ACTL8: variants seen among roughly 807,000 people sequenced by gnomAD.
The protein encoded by ACTL8 is actin-like protein 8.
ACTL8 carries 3 observed loss-of-function variants against 9.3 expected under a neutral mutation model. The ratio of observed to expected loss-of-function variants is 0.32; its 90% confidence interval spans 0.15 to 0.83. The LOEUF (loss-of-function observed/expected upper bound fraction) is 0.83. Among genes scored for constraint, ACTL8 ranks in the 40% least tolerant of loss-of-function variants. The pLI is 0.57. For missense variants in ACTL8, 381 were observed against 492.2 expected (o/e 0.77, Z 2.14); for synonymous variants, 224 against 205.9 (o/e 1.09, Z -0.75).
At position 17,826,830 on chromosome 1, in the gene ACTL8, G is replaced by A. The variant is rs1017595424; in HGVS notation, c.*311G>A. 83 of 221,586 alleles carry A rather than the reference G, an allele frequency of 3.7e-4. 1 individual carries two copies. The highest frequency in any genetic ancestry group is 1.1e-4 in the Admixed American group (2 of 18,606). 13.7% of individuals were successfully genotyped at this position (221,586 alleles called of 1,614,324 possible). ...CCTGAGAGCCACTGATTTTTCATTG[G>A]CATTTCCCCTGGTTTGTCTCATTCT... On this transcript the variant is annotated 3_prime_UTR_variant, in exon 3 of 3. Coordinates refer to ENST00000375406, the MANE Select transcript of ACTL8 (RefSeq NM_030812.3). This position sits in a 1 kb window ranked among gnomAD's most constrained non-coding sequence, Gnocchi z 4.5.
In ACTL8 at chr1:17,826,376, G is replaced by A. The variant is rs111936857; in HGVS notation, c.958G>A (p.Val320Ile). ...RLFRELMGDH[V>I]SSTKATVWEG... ...GTTCAGGGAGCTGATGGGGGATCAC[G>A]TCTCCTCCACCAAGGCCACAGTCTG... The change falls in exon 3 of 3, where the codon GTC (valine) becomes ATC (isoleucine). Residue 320 changes from valine (V) to isoleucine (I), a missense_variant. By Grantham distance (29) the Val-to-Ile change is conservative. Around this residue, in one of 3 missense-constraint regions of ACTL8, gnomAD observed 243 missense variants for 276.2 expected, o/e 0.88. Coordinates refer to ENST00000375406, the MANE Select transcript of ACTL8 (RefSeq NM_030812.3). This position sits in a 1 kb window ranked among gnomAD's most constrained non-coding sequence, Gnocchi z 4.5. 7.2e-5 allele frequency: 117 copies of A among 1,614,128 alleles called. No homozygotes were observed. In the African/African-American group the frequency reaches 1.2e-3, roughly 17 times the overall value.
intron 1 of ACTL8, among the ~76,000 whole-genome samples, chr1:17,808,685 G>T (rs139247015): frequency 6.6e-4 from 101 of 152,328 alleles, no homozygotes; most frequent in Non-Finnish European, 1.1e-3. Context: ...AAGGATTCTG[G>T]ATTCATAGTG....
intron 1 of ACTL8, among the ~76,000 whole-genome samples, chr1:17,760,622 T>G (rs533935960): frequency 1.3e-5 from 2 of 152,172 alleles, no homozygotes; most frequent in Non-Finnish European, 2.9e-5. Context: ...AGGGTCTTGG[T>G]GCCCTGCTTA....
chr1:17,824,951 C>T (rs992064139), intron 2 of ACTL8, among the ~76,000 whole-genome samples: 2 of 151,918 alleles, frequency 1.3e-5, no homozygotes, highest in African/African-American at 4.8e-5. Context: ...TGAGGGGAGA[C>T]GATGGGCTTG....
intron 1 of ACTL8, among the ~76,000 whole-genome samples, chr1:17,780,132 T>C (rs1245390383): frequency 2.0e-5 from 3 of 151,938 alleles, no homozygotes; most frequent in Admixed American, 2.0e-4. Flanking sequence ...GCTTTGAGCC[T>C]AGGAGGTCGA....
At chr1:17,811,669 T>A (rs2066393449) in intron 1 of ACTL8, among the ~76,000 whole-genome samples, 1 of 152,210 alleles carries the variant, frequency 6.6e-6, no homozygotes, top group African/African-American at 2.4e-5. Context: ...AGGTTATTAT[T>A]TTTACACGGA....
At chr1:17,820,006 C>T (rs1371049291) in intron 1 of ACTL8, among the ~76,000 whole-genome samples, 1 of 138,810 alleles carries the variant, frequency 7.2e-6, no homozygotes, top group Non-Finnish European at 1.6e-5. Flanking sequence ...GATCCTGTCT[C>T]AAAAAAAAAA....
In ACTL8 at chr1:17,825,777, A is replaced by G; in HGVS notation, c.359A>G (p.Glu120Gly). The G allele has an allele frequency of 1.2e-6, 2 of 1,612,018 alleles. No homozygotes were observed. The highest frequency in any genetic ancestry group is 1.7e-6 in the Non-Finnish European group (2 of 1,178,942). The change falls in exon 3 of 3, where the codon GAG becomes GGG. Residue 120 changes from glutamate (E) to glycine (G), a missense_variant. Coordinates refer to ENST00000375406, the MANE Select transcript of ACTL8 (RefSeq NM_030812.3). ...TCTCCCTCGTTGCAGATCCTGTTTG[A>G]GTTGCTGCATGTCCCATCGGTCCTC... ...DRKKMLEILFELLHVPSVLLA... is the reference protein window; with the variant it reads ...DRKKMLEILFGLLHVPSVLLA...
At chr1:17,799,282 C>G (rs1210653242) in intron 1 of ACTL8, among the ~76,000 whole-genome samples, 1 of 152,202 alleles carries the variant, frequency 6.6e-6, no homozygotes, top group African/African-American at 2.4e-5. Context: ...TGTGCCAGCA[C>G]CTGTTGGCGA....
intron 1 of ACTL8, among the ~76,000 whole-genome samples, chr1:17,822,257 CT>C (rs11302881): frequency 0.04 from 1,901 of 47,136 alleles, 40 homozygotes; most frequent in African/African-American, 0.096. Context: ...ATCTTACCCC[CT>C]GTGCCTCAGT....
chr1:17,779,107 C>G (rs1181050967), intron 1 of ACTL8, among the ~76,000 whole-genome samples: 3 of 152,124 alleles, frequency 2.0e-5, no homozygotes, highest in Admixed American at 6.6e-5. Context: ...CTATACATAC[C>G]CGAGATTCCA....
Position 17,826,104 on chromosome 1 carries a change from A to G in ACTL8, c.686A>G (p.Gln229Arg), listed in dbSNP as rs1206178167. 4.3e-6 allele frequency: 7 copies of G among 1,609,822 alleles called. No individual in the cohort carries two copies. The highest frequency in any genetic ancestry group is 4.5e-5 in the East Asian group (2 of 44,852). The change falls in exon 3 of 3, where the codon CAG becomes CGG. Residue 229 changes from glutamine (Q) to arginine (R), a missense_variant. Gln to Arg is a conservative substitution (Grantham distance 43). This residue lies in a region of ACTL8 where 243 missense variants were observed against 276.2 expected (regional missense o/e 0.88). Transcript: ENST00000375406. The surrounding 1 kb of genome is among the most constrained non-coding windows in gnomAD (Gnocchi z 4.5). ...GEALDFRERQ[Q>R]SALDESNTYQ... ...GCCCTGGACTTTCGTGAGAGGCAGC[A>G]GAGTGCCTTGGATGAGAGCAACACC...
rs561966791 is a variant in ACTL8 at position 17,763,030 on chromosome 1, G to T, written c.-25+7526G>T. 5.3e-5 allele frequency among the ~76,000 whole-genome samples: 8 copies of T among 152,238 alleles called. No individual in the cohort carries two copies. In the East Asian group the frequency reaches 1.5e-3, roughly 29 times the overall value. On this transcript the variant is annotated intron_variant, in intron 1 of 2. Coordinates refer to ENST00000375406, the MANE Select transcript of ACTL8 (RefSeq NM_030812.3). The stretch of plus-strand genomic sequence containing the variant: ...GCGGTGGGGAAGTGCTTACCTTGCC[G>T]TGGCAAGTTGATGTCTCTTGGACTG...
chr1:17,820,304 A>T (rs1157901224), intron 1 of ACTL8, among the ~76,000 whole-genome samples: 1 of 152,056 alleles, frequency 6.6e-6, no homozygotes, highest in Non-Finnish European at 1.5e-5. Context: ...GGCATTTGAG[A>T]TTTATGCACA....
At chr1:17,764,173 C>T (rs80293859) in intron 1 of ACTL8, among the ~76,000 whole-genome samples, 29 of 152,154 alleles carry the variant, frequency 1.9e-4, no homozygotes, top group East Asian at 1.6e-3. Flanking sequence ...GTCCAGTTCC[C>T]GGCTGACAGT....
In ACTL8 at chr1:17,800,965, T is replaced by C. The variant is rs144651240; in HGVS notation, c.-24-22020T>C. On this transcript the variant is annotated intron_variant, in intron 1 of 2. Transcript: ENST00000375406. Reference sequence around the variant, plus strand: ...GGGCGGCATTTGCTGTAGGTTTTACTATGTTGTGTTCATCCAGTCAAGGAA... The same window carrying C: ...GGGCGGCATTTGCTGTAGGTTTTACCATGTTGTGTTCATCCAGTCAAGGAA... Among the ~76,000 whole-genome samples the C allele has an allele frequency of 2.7e-3, 415 of 152,334 alleles. 3 individuals carry two copies. The highest frequency in any genetic ancestry group is 8.6e-3 in the African/African-American group (359 of 41,568).
At chr1:17,783,817 T>G (rs542709211) in intron 1 of ACTL8, among the ~76,000 whole-genome samples, 11 of 152,384 alleles carry the variant, frequency 7.2e-5, no homozygotes, top group African/African-American at 2.4e-4. Context: ...AGCTCTTGCC[T>G]TGAGTTGGTG....
chr1:17,817,887 A>G (rs902096273), intron 1 of ACTL8, among the ~76,000 whole-genome samples: 1 of 152,060 alleles, frequency 6.6e-6, no homozygotes, highest in African/African-American at 2.4e-5. Flanking sequence ...TTTTCAGTAG[A>G]GACGGGGTTT....
At chr1:17,804,584 T>G (rs1333989539) in intron 1 of ACTL8, among the ~76,000 whole-genome samples, 2 of 151,750 alleles carry the variant, frequency 1.3e-5, no homozygotes, top group Non-Finnish European at 2.9e-5. Flanking sequence ...GCTGGTCGTC[T>G]TCCTTTCATC....
Sources: allele counts gnomAD v4.1 joint callset (sites outside exome capture counted in the v4.1 genomes callset), GRCh38; gene constraint gnomAD v4.1.1; regional missense constraint gnomAD v4.1.1; non-coding constraint Gnocchi (gnomAD v3.1); transcripts MANE v1.5; gene names NCBI Gene and HGNC (gene_info 2026-07-23, HGNC 2026-07-21).